The following SEMA4B variants were observed in gnomAD, a reference collection of about 807,000 sequenced individuals.
The protein encoded by SEMA4B is semaphorin 4B.
Under a neutral mutation model 88.1 loss-of-function variants are expected in SEMA4B, and 55 were observed. That is an observed-to-expected ratio of 0.62 (90% CI 0.50 to 0.78). The LOEUF is 0.78. SEMA4B is among the 30% of genes least tolerant of loss of function. The pLI, the probability that SEMA4B is intolerant of heterozygous loss-of-function variation, is 0.00. For missense variants in SEMA4B, 1,062 were observed against 1,111.9 expected, an observed-to-expected ratio of 0.96 and a Z score of 0.64; for synonymous variants, 525 against 473.6, an observed-to-expected ratio of 1.11 and a Z score of -1.41.
At chr15:90,215,077 C>T (rs906646487) in intron 1 of SEMA4B, 23 of 1,004,196 alleles carry the variant, frequency 2.3e-5, no homozygotes, top group Non-Finnish European at 2.7e-5. Flanking sequence ...TCCGCTACAA[C>T]GTGCCTGAGG....
Position 90,228,240 on chromosome 15 carries a change from G to A in SEMA4B, c.2111G>A (p.Gly704Asp). Residue 704 changes from glycine (G) to aspartate (D), a missense_variant, in exon 14 of 14, where the codon GGC becomes GAC. By Grantham distance (94) the Gly-to-Asp change is moderately conservative. Transcript: ENST00000411539. The part of the protein sequence containing the change: ...STSRVSAPAG[G>D]KASWGADRSY... ...TCGCGTGTGAGTGCACCAGCTGGTG[G>A]CAAGGCCAGCTGGGGTGCAGACAGG... The A allele has an allele frequency of 6.2e-7, 1 of 1,600,634 alleles. No homozygotes were observed. Among genetic ancestry groups the A allele is most frequent in the Middle Eastern group, 1.7e-4 (1 of 5,974 alleles).
rs146534958 is a variant in SEMA4B at position 90,225,848 on chromosome 15, C to CT, written c.1688+23dup. On this transcript the variant is annotated intron_variant, in intron 12 of 13. Transcript: ENST00000411539. ...ACCAGGTGAGCACTCCCAAAGGCCCCTTCCCATCTGTCCAGCCCTGCACAG... is the reference window on the plus strand; with the variant it reads ...ACCAGGTGAGCACTCCCAAAGGCCCCTTTCCCATCTGTCCAGCCCTGCACAG... The CT allele has an allele frequency of 3.3e-6, 5 of 1,496,474 alleles. No homozygotes were observed. The African/African-American group carries it at 4.2e-5, about 12-fold the overall frequency. 92.7% of individuals were successfully genotyped at this position (1,496,474 alleles called of 1,614,324 possible). A position where few individuals can be genotyped will look rare whatever the true frequency, so the allele number is the denominator to read the frequency against.
intron 10 of SEMA4B, 26 bp downstream of exon 10, chr15:90,225,204 C>G: frequency 6.4e-7 from 1 of 1,569,890 alleles, no homozygotes; most frequent in Non-Finnish European, 8.6e-7. Context: ...CCAGCAGGCT[C>G]AGGGGAAGGG....
Position 90,225,402 on chromosome 15 carries a change from G to GC in SEMA4B, c.1521+6dup, listed in dbSNP as rs1312072434. ...CTGCTCCTGGACACCCACAGGGTGA[G>GC]CAGGCCAACGAGGAATCCTGGCAGG... On this transcript the variant is annotated splice_donor_region_variant and intron_variant, in intron 11 of 13. Coordinates refer to ENST00000411539, the MANE Select transcript of SEMA4B (RefSeq NM_198925.4). 32 of 1,548,868 alleles carry GC rather than the reference G, an allele frequency of 2.1e-5. No individual in the cohort carries two copies. The highest frequency in any genetic ancestry group is 2.8e-5 in the Non-Finnish European group (32 of 1,146,080).
chr15:90,199,467 G>T (rs1960622493), upstream of SEMA4B, among the ~76,000 whole-genome samples: 1 of 151,992 alleles, frequency 6.6e-6, no homozygotes, highest in South Asian at 2.1e-4. Context: ...TTGAGAAGGG[G>T]GAGAGATCAG....
rs1210709327 is a variant in SEMA4B at position 90,225,024 on chromosome 15, C to G, written c.1251C>G (p.Asp417Glu). 1 of 1,613,856 alleles carries G rather than the reference C, an allele frequency of 6.2e-7. No individual in the cohort carries two copies. Among genetic ancestry groups the G allele is most frequent in the Non-Finnish European group, 8.5e-7 (1 of 1,179,868 alleles). ...TCAACTCATCCCTGCAGCTCCCAGACCGCGTGCTGAACTTCCTCAAGGACC... is the reference window on the plus strand; with the variant it reads ...TCAACTCATCCCTGCAGCTCCCAGAGCGCGTGCTGAACTTCCTCAAGGACC... Reference protein sequence around the residue: ...RKINSSLQLPDRVLNFLKDHF... With the variant: ...RKINSSLQLPERVLNFLKDHF... The change falls in exon 10 of 14, where the codon GAC (aspartate) becomes GAG (glutamate). Residue 417 changes from aspartate (D) to glutamate (E), a missense_variant. Asp to Glu is a conservative substitution (Grantham distance 45, BLOSUM62 2). Coordinates refer to ENST00000411539, the MANE Select transcript of SEMA4B (RefSeq NM_198925.4).
chr15:90,221,288 C>G, intron 5 of SEMA4B, 79 bp from the exon 6 acceptor site: 6 of 1,316,436 alleles, frequency 4.6e-6, no homozygotes, highest in Non-Finnish European at 6.4e-6. Flanking sequence ...ACGGGCAGTG[C>G]TGGGGTCACT....
chr15:90,188,393 C>T (rs1472122032), intron 1 of SEMA4B, among the ~76,000 whole-genome samples: 1 of 151,730 alleles, frequency 6.6e-6, no homozygotes, highest in African/African-American at 2.4e-5. Context: ...TTTGGGAGGC[C>T]GAGGTGGGCG....
At chr15:90,223,412 C>A in intron 7 of SEMA4B, 147 bp from the exon 8 acceptor site, 1 of 625,380 alleles carries the variant, frequency 1.6e-6, no homozygotes. Flanking sequence ...CACTGCTCTT[C>A]CTGACTTTAG....
At chr15:90,223,812 G>A in intron 8 of SEMA4B, 26 bp from the exon 9 acceptor site, 1 of 1,612,346 alleles carries the variant, frequency 6.2e-7, no homozygotes, top group Non-Finnish European at 8.5e-7. Context: ...AGGGCTCCTG[G>A]GTTAATCTGG....
In SEMA4B at chr15:90,228,166, G is replaced by T. The variant is rs756349566; in HGVS notation, c.2037G>T (p.Val679=). The T allele has an allele frequency of 6.2e-7, 1 of 1,610,478 alleles. No homozygotes were observed. The highest frequency in any genetic ancestry group is 1.1e-5 in the South Asian group (1 of 90,438). ...GCCCAGAGGTGGTGGAGGACGGGGTGGCAGACCAAACAGATGAGGGTGGCA... is the reference window on the plus strand; with the variant it reads ...GCCCAGAGGTGGTGGAGGACGGGGTTGCAGACCAAACAGATGAGGGTGGCA... ...SYCPEVVEDG[V]ADQTDEGGSV... Residue 679 remains valine, a synonymous_variant, in exon 14 of 14, where the codon GTG becomes GTT. Transcript: ENST00000411539.
upstream of SEMA4B, among the ~76,000 whole-genome samples, chr15:90,199,378 C>G (rs1207875657): frequency 2.0e-5 from 3 of 152,034 alleles, no homozygotes; most frequent in African/African-American, 7.2e-5. Context: ...ATGAGAGGAG[C>G]TGAGGGTTTT....
chr15:90,217,356 A>T, intron 1 of SEMA4B, 83 bp from the exon 2 acceptor site: 1 of 1,417,268 alleles, frequency 7.1e-7, no homozygotes, highest in Non-Finnish European at 9.5e-7. Flanking sequence ...ACCTTCCTTT[A>T]AACCAGTCCA....
rs192823519 is a variant in SEMA4B, at chr15:90,218,164, G to C, written c.384+335G>C. Reference sequence around the variant, plus strand: ...ACAAGACCTAACAAGTCAGCTTCCAGCGTGAACAGAGATTGGGTGGGGTGA... The same window carrying C: ...ACAAGACCTAACAAGTCAGCTTCCACCGTGAACAGAGATTGGGTGGGGTGA... On this transcript the variant is annotated intron_variant, in intron 3 of 13. Transcript: ENST00000411539. Among the ~76,000 whole-genome samples the C allele has an allele frequency of 2.9e-3, 435 of 152,322 alleles. 3 individuals carry two copies. The highest frequency in any genetic ancestry group is 0.01 in the African/African-American group (429 of 41,568).
chr15:90,227,817 C>A, intron 13 of SEMA4B, 87 bp from the exon 14 acceptor site: 2 of 1,577,058 alleles, frequency 1.3e-6, no homozygotes, highest in Non-Finnish European at 8.6e-7. Context: ...ATCGTGGCAC[C>A]AGGGGCATAG....
At position 90,225,769 on chromosome 15, in the gene SEMA4B, G is replaced by T; in HGVS notation, c.1630G>T (p.Ala544Ser). 6.4e-7 allele frequency: 1 copy of T among 1,571,550 alleles called. No homozygotes were observed. The part of the protein sequence containing the change: ...DCLLARDPYC[A>S]WSGSSCKHVS... The stretch of plus-strand genomic sequence containing the variant: ...CCTCCTCGCCCGGGACCCCTACTGT[G>T]CTTGGAGCGGCTCCAGCTGCAAGCA... Residue 544 changes from alanine to serine, a missense_variant, in exon 12 of 14, where the codon GCT becomes TCT. Coordinates refer to ENST00000411539, the MANE Select transcript of SEMA4B (RefSeq NM_198925.4).
chr15:90,227,361 C>A, intron 12 of SEMA4B, 196 bp from the exon 13 acceptor site: 1 of 590,554 alleles, frequency 1.7e-6, no homozygotes, highest in Non-Finnish European at 3.0e-6. Flanking sequence ...AGGGTACATA[C>A]TGTTTATGTA....
chr15:90,221,268 C>G, intron 5 of SEMA4B, 99 bp from the exon 6 acceptor site: 1 of 1,228,300 alleles, frequency 8.1e-7, no homozygotes, highest in South Asian at 1.3e-5. Flanking sequence ...CTCTGCCCAC[C>G]ACAGGCAAAA....
In SEMA4B at chr15:90,201,751, C is replaced by T. The variant is rs1251267518; in HGVS notation, c.157+16C>T. On this transcript the variant is annotated intron_variant, in intron 1 of 13. Coordinates refer to ENST00000411539, the MANE Select transcript of SEMA4B (RefSeq NM_198925.4). ...CTGCCTCTGGGTGAGTGCCGGGGAC[C>T]CGGGGACGCGGGCCGGGGGAAGGAA... 16 of 1,388,908 alleles carry T rather than the reference C, an allele frequency of 1.2e-5. No individual in the cohort carries two copies. Among genetic ancestry groups the T allele is most frequent in the Non-Finnish European group, 1.4e-5 (15 of 1,074,238 alleles). The allele number at this position is 1,388,908 out of a possible 1,614,324, so 86.0% of individuals were successfully genotyped here.
Sources: gnomAD v4.1 joint callset for allele counts (sites outside exome capture counted in the v4.1 genomes callset) on GRCh38, gnomAD v4.1.1 for gene constraint, MANE v1.5 for transcripts, NCBI Gene and HGNC (gene_info 2026-07-23, HGNC 2026-07-21) for gene names.